NDUFAF6: variants seen among roughly 807,000 people sequenced by gnomAD.
NDUFAF6 encodes the protein NADH:ubiquinone oxidoreductase complex assembly factor 6, also known as NADH dehydrogenase (ubiquinone) complex I, assembly factor 6.
In NDUFAF6, 45 loss-of-function variants were observed where a neutral mutation model predicts 40.8. That is an observed-to-expected ratio of 1.10 (90% CI 0.87 to 1.42). The LOEUF (loss-of-function observed/expected upper bound fraction) is 1.42, where lower values mean the gene tolerates loss of function less well. Ranked by LOEUF, NDUFAF6 falls within the 40% of genes most tolerant of loss-of-function variation. The pLI is 0.00. For synonymous variants in NDUFAF6, 185 were observed against 155.9 expected (o/e 1.19, Z -1.39); for missense variants, 435 against 418.5 (o/e 1.04, Z -0.34).
rs761533278 is a variant in NDUFAF6, at chr8:95,048,451, A to C, written c.715-6A>C. 6.2e-7 allele frequency: 1 copy of C among 1,605,350 alleles called. No homozygotes were observed. Among genetic ancestry groups the C allele is most frequent in the Non-Finnish European group, 8.5e-7 (1 of 1,172,116 alleles). On this transcript the variant is annotated splice_polypyrimidine_tract_variant and splice_region_variant and intron_variant, in intron 6 of 8. Coordinates refer to ENST00000396124, the MANE Select transcript of NDUFAF6 (RefSeq NM_152416.4). ...TTCCTAATATAATGTATATTTCCCC[A>C]CACAGCATGGTGTTTCACAAGAGGA...
intron 1 of NDUFAF6, among the ~76,000 whole-genome samples, chr8:94,931,809 T>C (rs1218803445): frequency 6.6e-6 from 1 of 151,960 alleles, no homozygotes; most frequent in Non-Finnish European, 1.5e-5. Context: ...CCATCTCTAC[T>C]AAAAATACAA....
At chr8:94,931,661 GA>G (rs1442562267) in intron 1 of NDUFAF6, among the ~76,000 whole-genome samples, 1 of 151,728 alleles carries the variant, frequency 6.6e-6, no homozygotes, top group Non-Finnish European at 1.5e-5. Context: ...GAAACTAATA[GA>G]AAAAAGTTAA....
intron 1 of NDUFAF6, among the ~76,000 whole-genome samples, chr8:94,910,456 A>G (rs1818706587): frequency 1.3e-5 from 2 of 152,194 alleles, no homozygotes; most frequent in Non-Finnish European, 1.5e-5. Context: ...CCTGGCCTGA[A>G]CTGGTCTTGA....
chr8:94,896,296 C>A (rs1383834509), intron 1 of NDUFAF6, among the ~76,000 whole-genome samples: 1 of 148,480 alleles, frequency 6.7e-6, no homozygotes, highest in South Asian at 2.1e-4. Flanking sequence ...GCGCGCCCTG[C>A]GGAGCCCGCG....
At chr8:95,049,912 A>G (rs1192326396) in intron 7 of NDUFAF6, among the ~76,000 whole-genome samples, 1 of 152,200 alleles carries the variant, frequency 6.6e-6, no homozygotes, top group African/African-American at 2.4e-5. Context: ...CATTATGGGC[A>G]CTCAGTAAAT....
intron 2 of NDUFAF6, among the ~76,000 whole-genome samples, chr8:95,082,268 G>A (rs958958355): frequency 6.6e-6 from 1 of 152,094 alleles, no homozygotes; most frequent in African/African-American, 2.4e-5. Flanking sequence ...CTTGAGCCCA[G>A]GAGTTTGAGT....
intron 2 of NDUFAF6, among the ~76,000 whole-genome samples, chr8:95,010,368 T>C (rs1049371201): frequency 2.0e-5 from 3 of 152,198 alleles, no homozygotes; most frequent in African/African-American, 7.2e-5. Flanking sequence ...ATTACAGGTG[T>C]GAGCCACTGC....
At chr8:94,999,601 G>C (rs763474666) in intron 2 of NDUFAF6, among the ~76,000 whole-genome samples, 1 of 151,624 alleles carries the variant, frequency 6.6e-6, no homozygotes, top group Non-Finnish European at 1.5e-5. Context: ...ATTTTCAATA[G>C]AGACAGGGTT....
intron 1 of NDUFAF6, chr8:94,939,828 T>G: frequency 6.3e-7 from 1 of 1,583,734 alleles, no homozygotes; most frequent in Non-Finnish European, 8.6e-7. Flanking sequence ...CTCAGTGGAC[T>G]GCCTACAGAG....
At chr8:94,965,672 C>T (rs1250915360) in intron 1 of NDUFAF6, among the ~76,000 whole-genome samples, 2 of 152,092 alleles carry the variant, frequency 1.3e-5, no homozygotes, top group Non-Finnish European at 2.9e-5. Flanking sequence ...GTCAATTGGC[C>T]ATGACGGAAT....
chr8:95,081,557 C>T (rs967112474), intron 2 of NDUFAF6, among the ~76,000 whole-genome samples: 1 of 152,040 alleles, frequency 6.6e-6, no homozygotes, highest in African/African-American at 2.4e-5. Flanking sequence ...TGATTGGTGG[C>T]CTTAATGATG....
intron 2 of NDUFAF6, among the ~76,000 whole-genome samples, chr8:95,011,180 C>T (rs566290647): frequency 2.0e-4 from 30 of 152,286 alleles, no homozygotes; most frequent in African/African-American, 7.2e-4. Flanking sequence ...AGCACCAGGG[C>T]CTTCAGTGAC....
At chr8:95,099,498 C>A (rs1346845214), upstream of NDUFAF6, among the ~76,000 whole-genome samples, 3 of 151,882 alleles carry the variant, frequency 2.0e-5, no homozygotes, top group Non-Finnish European at 4.4e-5. Flanking sequence ...ATAATCCCAG[C>A]TACTAAAGAG....
intron 1 of NDUFAF6, among the ~76,000 whole-genome samples, chr8:94,971,288 C>T (rs1368236714): frequency 6.6e-6 from 1 of 152,176 alleles, no homozygotes; most frequent in Non-Finnish European, 1.5e-5. Context: ...TAAAGATGGC[C>T]TTGACTCCAA....
chr8:94,953,332 C>T (rs931694996), upstream of NDUFAF6, among the ~76,000 whole-genome samples: 2 of 149,216 alleles, frequency 1.3e-5, no homozygotes, highest in African/African-American at 2.5e-5. Flanking sequence ...GGCAACAAGA[C>T]GGAAACTCCA....
intron 2 of NDUFAF6, among the ~76,000 whole-genome samples, chr8:95,001,724 C>A (rs1227299636): frequency 6.6e-6 from 1 of 152,260 alleles, no homozygotes; most frequent in South Asian, 2.1e-4. Flanking sequence ...GGCTCTTAAA[C>A]CTCTGAAGCA....
chr8:94,975,153 C>A (rs971247253), intron 1 of NDUFAF6, among the ~76,000 whole-genome samples: 1 of 152,214 alleles, frequency 6.6e-6, no homozygotes, highest in Non-Finnish European at 1.5e-5. Context: ...TCTTCCTCCA[C>A]CCCCTGTAAC....
At chr8:95,004,748 C>T (rs111937642) in intron 2 of NDUFAF6, among the ~76,000 whole-genome samples, 55 of 152,072 alleles carry the variant, frequency 3.6e-4, no homozygotes, top group African/African-American at 1.2e-3. Flanking sequence ...AGGGCTTGCA[C>T]CAGGGAAAAA....
At chr8:94,932,240 T>C (rs1231148048) in intron 1 of NDUFAF6, 2 of 885,746 alleles carry the variant, frequency 2.3e-6, no homozygotes, top group East Asian at 5.3e-5. Context: ...GTACATGTGC[T>C]TAAGATAACA....
Sources: allele counts gnomAD v4.1 joint callset (sites outside exome capture counted in the v4.1 genomes callset), GRCh38; gene constraint gnomAD v4.1.1; transcripts MANE v1.5; gene names NCBI Gene and HGNC (gene_info 2026-07-23, HGNC 2026-07-21).